Variants in CSMD1 observed in about 807,000 individuals in gnomAD.
CSMD1 encodes CUB and sushi domain-containing protein 1.
CSMD1 carries 213 observed loss-of-function variants against 417.5 expected under a neutral mutation model. The ratio of observed to expected loss-of-function variants is 0.51; its 90% CI spans 0.46 to 0.57. The LOEUF (loss-of-function observed/expected upper bound fraction) is 0.57. CSMD1 is among the 20% of genes least tolerant of loss of function. The pLI, the probability that CSMD1 is intolerant of heterozygous loss-of-function variation, is 0.00. For synonymous variants in CSMD1, 2,862 were observed against 1,736.8 expected (o/e 1.65, Z -16.11); for missense variants, 6,923 against 4,529.7 (o/e 1.53, Z -15.17).
chr8:3,599,331 C>G (rs545967098), intron 8 of CSMD1, among the ~76,000 whole-genome samples: 1 of 152,242 alleles, frequency 6.6e-6, no homozygotes, highest in Admixed American at 6.5e-5. Context: ...ACCCTCTTAG[C>G]AAATTCTCAG....
intron 49 of CSMD1, among the ~76,000 whole-genome samples, chr8:3,055,535 T>A (rs892310249): frequency 6.6e-6 from 1 of 152,202 alleles, no homozygotes; most frequent in Non-Finnish European, 1.5e-5. Context: ...TTCATTCATC[T>A]CTCATTTATT....
intron 7 of CSMD1, among the ~76,000 whole-genome samples, chr8:3,706,147 G>T (rs1327294569): frequency 6.6e-6 from 1 of 152,192 alleles, no homozygotes; most frequent in Non-Finnish European, 1.5e-5. Flanking sequence ...ATTTACTATG[G>T]AAGGCTCCTA....
At chr8:3,040,871 A>C (rs11986117) in intron 50 of CSMD1, among the ~76,000 whole-genome samples, 1 of 152,192 alleles carries the variant, frequency 6.6e-6, no homozygotes, top group African/African-American at 2.4e-5. Context: ...ATCTGTTAGA[A>C]TATTTCTGAG....
intron 1 of CSMD1, among the ~76,000 whole-genome samples, chr8:4,960,282 T>C (rs1563874031): frequency 6.6e-6 from 1 of 152,198 alleles, no homozygotes. Context: ...ATAACATTTG[T>C]TTAATTTTGC....
Position 3,754,046 on chromosome 8 carries a change from G to T in CSMD1, c.819-4C>A. On this transcript the variant is annotated splice_region_variant and splice_polypyrimidine_tract_variant and intron_variant, in intron 5 of 69. Transcript: ENST00000635120. ...GGGGAGGTTCATGCCAGTTAGCCTA[G>T]AGAAGAGAAAGAGGAAAAAAATCTC... The T allele has an allele frequency of 6.2e-7, 1 of 1,604,282 alleles. No homozygotes were observed. The highest frequency in any genetic ancestry group is 8.5e-7 in the Non-Finnish European group (1 of 1,172,836).
chr8:3,099,048 C>T (rs1166439875), intron 46 of CSMD1, among the ~76,000 whole-genome samples: 1 of 151,834 alleles, frequency 6.6e-6, no homozygotes, highest in East Asian at 1.9e-4. Flanking sequence ...CTCTGTACTG[C>T]CCACCTCTCC....
chr8:4,322,654 C>G (rs1418746405), intron 3 of CSMD1, among the ~76,000 whole-genome samples: 1 of 152,194 alleles, frequency 6.6e-6, no homozygotes, highest in African/African-American at 2.4e-5. Flanking sequence ...AGAATAATCA[C>G]TGTCTACAGA....
intron 7 of CSMD1, among the ~76,000 whole-genome samples, chr8:3,693,836 G>C (rs1247313563): frequency 6.6e-6 from 1 of 151,354 alleles, no homozygotes; most frequent in East Asian, 1.9e-4. Flanking sequence ...TGTGTGTGTT[G>C]TGTGTGTTAG....
intron 1 of CSMD1, among the ~76,000 whole-genome samples, chr8:4,841,278 G>A (rs1800821600): frequency 1.3e-5 from 2 of 152,202 alleles, no homozygotes; most frequent in Non-Finnish European, 2.9e-5. Flanking sequence ...TTTGGTTATT[G>A]ATTAGCCTTA....
intron 4 of CSMD1, among the ~76,000 whole-genome samples, chr8:4,012,863 C>A (rs1032085433): frequency 6.6e-6 from 1 of 152,132 alleles, no homozygotes; most frequent in Non-Finnish European, 1.5e-5. Context: ...ATCCATGACT[C>A]TTCTATGTCT....
chr8:4,201,889 G>GA (rs1563265069), intron 3 of CSMD1, among the ~76,000 whole-genome samples: 1 of 31,734 alleles, frequency 3.2e-5, no homozygotes, highest in Non-Finnish European at 1.2e-4. Flanking sequence ...GGAAATTTTG[G>GA]GGGGGGGGGG....
At chr8:4,003,541 A>G (rs1048967492) in intron 4 of CSMD1, among the ~76,000 whole-genome samples, 6 of 152,246 alleles carry the variant, frequency 3.9e-5, no homozygotes, top group East Asian at 1.9e-4. Flanking sequence ...AATTAAAAAC[A>G]AACACAGGTG....
chr8:4,992,549 A>G (rs1811528215), intron 1 of CSMD1, among the ~76,000 whole-genome samples: 1 of 152,118 alleles, frequency 6.6e-6, no homozygotes. Context: ...GCTCGGCTGG[A>G]AAAAGCCAGG....
intron 1 of CSMD1, among the ~76,000 whole-genome samples, chr8:4,795,890 A>G (rs1797957089): frequency 6.6e-6 from 1 of 152,206 alleles, no homozygotes; most frequent in East Asian, 1.9e-4. Context: ...TCTCATGTTA[A>G]GGTAGACTGA....
At chr8:3,754,655 G>A (rs1171629959) in intron 5 of CSMD1, among the ~76,000 whole-genome samples, 5 of 152,118 alleles carry the variant, frequency 3.3e-5, no homozygotes, top group African/African-American at 4.8e-5. Context: ...AGGTTTTGCC[G>A]TGTTGGCCAG....
chr8:3,375,913 A>G (rs1488128668), intron 18 of CSMD1, among the ~76,000 whole-genome samples: 4 of 152,144 alleles, frequency 2.6e-5, no homozygotes, highest in African/African-American at 9.7e-5. Context: ...ACGTTGAAAC[A>G]TGTCCCTCCC....
chr8:3,243,291 G>C (rs1425621226), intron 26 of CSMD1, among the ~76,000 whole-genome samples: 1 of 152,084 alleles, frequency 6.6e-6, no homozygotes, highest in Non-Finnish European at 1.5e-5. Flanking sequence ...CCCAAGGGAG[G>C]TCCCCCGATC....
chr8:4,336,947 G>T (rs561297218), intron 3 of CSMD1, among the ~76,000 whole-genome samples: 1 of 152,054 alleles, frequency 6.6e-6, no homozygotes, highest in Admixed American at 6.6e-5. Flanking sequence ...AGGCTACAAT[G>T]TTGAAATGGA....
At chr8:3,484,001 C>G (rs1585232878) in intron 11 of CSMD1, among the ~76,000 whole-genome samples, 1 of 152,110 alleles carries the variant, frequency 6.6e-6, no homozygotes, top group East Asian at 1.9e-4. Context: ...CCAAATTTAT[C>G]AATAGCTTTA....
Sources: allele counts gnomAD v4.1 joint callset (sites outside exome capture counted in the v4.1 genomes callset), GRCh38; gene constraint gnomAD v4.1.1; transcripts MANE v1.5; gene names NCBI Gene and HGNC (gene_info 2026-07-23, HGNC 2026-07-21).